The following KHDRBS3 variants were observed in gnomAD, a reference collection of about 807,000 sequenced individuals.
KHDRBS3 encodes KH RNA binding domain containing, signal transduction associated 3.
Under a neutral mutation model 45.6 loss-of-function variants are expected in KHDRBS3, and 23 were observed. That is an observed-to-expected ratio of 0.50 (90% CI 0.36 to 0.72). The LOEUF is 0.72. Ranked by LOEUF, KHDRBS3 falls within the 30% of genes least tolerant of loss-of-function variation. KHDRBS3 has a pLI of 0.00. For synonymous variants in KHDRBS3, 162 were observed against 156.5 expected (o/e 1.04, Z -0.26); for missense variants, 352 against 424.8 (o/e 0.83, Z 1.51).
chr8:135,500,119 T>C (rs1432525132), intron 1 of KHDRBS3, among the ~76,000 whole-genome samples: 1 of 152,136 alleles, frequency 6.6e-6, no homozygotes, highest in Non-Finnish European at 1.5e-5. Flanking sequence ...TCCCAGAAAA[T>C]CACTGCAGCT....
intron 7 of KHDRBS3, among the ~76,000 whole-genome samples, chr8:135,642,414 G>A (rs1179528035): frequency 6.6e-6 from 1 of 152,166 alleles, no homozygotes; most frequent in African/African-American, 2.4e-5. Context: ...TGTCAGTAGG[G>A]CAGTGGTGTA....
At chr8:135,458,128 G>C (rs1221023299) in intron 1 of KHDRBS3, 174 bp downstream of exon 1, 1 of 1,379,410 alleles carries the variant, frequency 7.2e-7, no homozygotes, top group Non-Finnish European at 9.3e-7. Flanking sequence ...GGACACCTAG[G>C]GGAAGACCCT....
chr8:135,574,290 A>G (rs868344257), intron 5 of KHDRBS3, among the ~76,000 whole-genome samples: 1 of 151,930 alleles, frequency 6.6e-6, no homozygotes, highest in Non-Finnish European at 1.5e-5. Context: ...AAGCATTGTT[A>G]ATGCTATTGC....
chr8:135,589,230 G>A (rs1036144677), intron 6 of KHDRBS3, among the ~76,000 whole-genome samples: 6 of 152,226 alleles, frequency 3.9e-5, no homozygotes, highest in Middle Eastern at 3.4e-3. Flanking sequence ...GCTCCAGCTC[G>A]TTCCTTTCCT....
At chr8:135,494,270 C>CTTTTTTTTTT (rs1156554377) in intron 1 of KHDRBS3, among the ~76,000 whole-genome samples, 1 of 118,770 alleles carries the variant, frequency 8.4e-6, no homozygotes, top group African/African-American at 3.6e-5. Context: ...TTCTGTTTCT[C>CTTTTTTTTTT]TTATTTTTTT....
intron 5 of KHDRBS3, among the ~76,000 whole-genome samples, chr8:135,569,166 C>A (rs919701904): frequency 2.0e-5 from 3 of 151,816 alleles, no homozygotes; most frequent in African/African-American, 4.8e-5. Context: ...AAAAGAATAG[C>A]AGAATATTTT....
intron 5 of KHDRBS3, among the ~76,000 whole-genome samples, chr8:135,576,376 C>T (rs535852162): frequency 5.9e-5 from 9 of 152,306 alleles, no homozygotes; most frequent in Admixed American, 1.3e-4. Context: ...AAGATTTGTG[C>T]CTTCTCCCCT....
intron 7 of KHDRBS3, among the ~76,000 whole-genome samples, chr8:135,639,783 A>G (rs1449533080): frequency 1.3e-5 from 2 of 152,208 alleles, no homozygotes; most frequent in African/African-American, 2.4e-5. Context: ...TTAAACAACC[A>G]CATCTTGTGA....
intron 7 of KHDRBS3, among the ~76,000 whole-genome samples, chr8:135,633,441 C>T (rs906273773): frequency 4.6e-5 from 7 of 152,180 alleles, no homozygotes; most frequent in Non-Finnish European, 1.0e-4. Context: ...AAATGGATAA[C>T]TTTCTTCTAG....
chr8:135,642,454 C>T (rs745576405), intron 7 of KHDRBS3, among the ~76,000 whole-genome samples: 1 of 152,158 alleles, frequency 6.6e-6, no homozygotes, highest in Non-Finnish European at 1.5e-5. Context: ...CTCTCACACT[C>T]GTTTTTCTTC....
intron 1 of KHDRBS3, among the ~76,000 whole-genome samples, chr8:135,496,350 G>A (rs941133971): frequency 1.5e-4 from 22 of 151,230 alleles, no homozygotes; most frequent in Admixed American, 5.3e-4. Flanking sequence ...CTTCTGCCTC[G>A]ACCTCCCAAG....
At chr8:135,588,820 G>A (rs763582755) in intron 6 of KHDRBS3, among the ~76,000 whole-genome samples, 7 of 152,006 alleles carry the variant, frequency 4.6e-5, no homozygotes, top group Non-Finnish European at 1.0e-4. Flanking sequence ...TCTAACTCTG[G>A]TGTCATCTGT....
chr8:135,519,182 T>G (rs1319781087), intron 1 of KHDRBS3, among the ~76,000 whole-genome samples: 1 of 152,216 alleles, frequency 6.6e-6, no homozygotes, highest in Non-Finnish European at 1.5e-5. Context: ...TATCTTCAGT[T>G]TCTACCCTGC....
At chr8:135,583,945 T>G (rs1277634103) in intron 6 of KHDRBS3, among the ~76,000 whole-genome samples, 1 of 152,258 alleles carries the variant, frequency 6.6e-6, no homozygotes, top group Non-Finnish European at 1.5e-5. Context: ...TTATTTTTTA[T>G]TTTTGTAAAT....
chr8:135,562,386 G>A (rs2130852580), intron 5 of KHDRBS3, among the ~76,000 whole-genome samples: 1 of 152,298 alleles, frequency 6.6e-6, no homozygotes, highest in African/African-American at 2.4e-5. Context: ...AGGAACAGTA[G>A]GCTGTATCAT....
chr8:135,467,337 C>G (rs115270977), intron 1 of KHDRBS3, among the ~76,000 whole-genome samples: 2,109 of 152,284 alleles, frequency 0.014, 39 homozygotes, highest in African/African-American at 0.047. Context: ...CCTTTCATAG[C>G]TGTCATACAA....
chr8:135,646,067 A>G (rs1041241724), intron 8 of KHDRBS3, among the ~76,000 whole-genome samples: 1 of 139,236 alleles, frequency 7.2e-6, no homozygotes. Flanking sequence ...GGTTTGCTGA[A>G]TGCAGGCTAC....
chr8:135,638,916 G>T (rs534060862), intron 7 of KHDRBS3, among the ~76,000 whole-genome samples: 1 of 150,526 alleles, frequency 6.6e-6, no homozygotes, highest in African/African-American at 2.5e-5. Context: ...AGCCAAGAGC[G>T]CGCCACTGCA....
chr8:135,553,598 G>A (rs940781459), intron 4 of KHDRBS3, among the ~76,000 whole-genome samples: 7 of 152,080 alleles, frequency 4.6e-5, no homozygotes, highest in African/African-American at 1.7e-4. Context: ...AGTGATCCTA[G>A]GATTAACCTT....
Sources: allele counts gnomAD v4.1 joint callset (sites outside exome capture counted in the v4.1 genomes callset), GRCh38; gene constraint gnomAD v4.1.1; transcripts MANE v1.5; gene names NCBI Gene and HGNC (gene_info 2026-07-23, HGNC 2026-07-21).